The following PHKA1 variants were observed in gnomAD, a reference collection of about 807,000 sequenced individuals.
The protein encoded by PHKA1 is phosphorylase kinase regulatory subunit alpha 1.
A neutral mutation model predicts 110.2 loss-of-function variants in PHKA1; 60 were observed. That is an observed-to-expected ratio of 0.54 (90% CI 0.44 to 0.68). The LOEUF (loss-of-function observed/expected upper bound fraction) is 0.68, where lower values mean the gene tolerates loss of function less well. PHKA1 is among the 30% of genes least tolerant of loss of function. The pLI, the probability that PHKA1 is intolerant of heterozygous loss-of-function variation, is 0.00. For synonymous variants in PHKA1, 316 were observed against 333.6 expected (o/e 0.95, Z 0.58); for missense variants, 801 against 942.5 (o/e 0.85, Z 1.97).
At chrX:72,652,276 A>G (rs1265582602) in intron 12 of PHKA1, among the ~76,000 whole-genome samples, 2 of 111,460 alleles carry the variant, frequency 1.8e-5, no homozygotes, top group African/African-American at 6.5e-5. Flanking sequence ...AAGTTTTGAA[A>G]GGGATAGATC....
At chrX:72,590,683 A>G (rs2052506878) in intron 29 of PHKA1, among the ~76,000 whole-genome samples, 1 of 112,540 alleles carries the variant, frequency 8.9e-6, no homozygotes, top group African/African-American at 3.2e-5. Context: ...GCTAATATCC[A>G]GAATCTACAA....
At position 72,652,646 on chromosome X, in the gene PHKA1, A is replaced by G. The variant is rs1556299527; in HGVS notation, c.1143T>C (p.Asp381=). Residue 381 remains aspartate, a synonymous_variant, in exon 12 of 32, where the codon GAT becomes GAC. Coordinates refer to ENST00000373542, the MANE Select transcript of PHKA1 (RefSeq NM_002637.4). ...ELYSVPPDRV[D]EEYQNPHTVD... ...CAGTGTGAGGATTCTGATATTCTTCATCGACCTAAAAGAAAAGATGAAGAG... is the reference window on the plus strand; with the variant it reads ...CAGTGTGAGGATTCTGATATTCTTCGTCGACCTAAAAGAAAAGATGAAGAG... The G allele has an allele frequency of 8.9e-7, 1 of 1,128,719 alleles. No homozygotes were observed. The highest frequency in any genetic ancestry group is 3.0e-5 in the East Asian group (1 of 33,507). 93.0% of individuals were successfully genotyped at this position (1,128,719 alleles called of 1,213,427 possible).
intron 6 of PHKA1, among the ~76,000 whole-genome samples, chrX:72,668,242 G>A (rs1281019296): frequency 2.7e-5 from 3 of 111,560 alleles, no homozygotes; most frequent in African/African-American, 6.5e-5. Flanking sequence ...CATGGCATAC[G>A]GTAGGCTCTC....
chrX:72,615,752 G>GGGAAGGAAGGAA (rs563484322), intron 21 of PHKA1, among the ~76,000 whole-genome samples: 6 of 33,475 alleles, frequency 1.8e-4, no homozygotes, highest in African/African-American at 5.0e-4. Context: ...GAAGGAGGGG[G>GGGAAGGAAGGAA]GGAAGGAAGG....
chrX:72,615,747 A>AG (rs1330780014), intron 21 of PHKA1, among the ~76,000 whole-genome samples: 1 of 67,478 alleles, frequency 1.5e-5, no homozygotes, highest in Non-Finnish European at 2.7e-5. Flanking sequence ...GGAAAGAAGG[A>AG]GGGGGGGAAG....
Position 72,636,310 on chromosome X carries a change from G to A in PHKA1, c.1536C>T (p.Asp512=), listed in dbSNP as rs782285118. The A allele has an allele frequency of 3.3e-6, 4 of 1,200,472 alleles. No homozygotes were observed. Among genetic ancestry groups the A allele is most frequent in the Non-Finnish European group, 2.3e-6 (2 of 886,509 alleles). The change falls in exon 15 of 32, where the codon GAC becomes GAT. Residue 512 remains aspartate, a synonymous_variant. Transcript: ENST00000373542. ...TGAAAGTAAAGATAGTTTTCCGAAT[G>A]TCATAGAGTTTTGAAGTTCCAAGCA... ...MGVLGTSKLY[D]IRKTIFTFTP... is the part of the protein sequence containing the mutation.
chrX:72,680,263 C>T (rs1397924697), intron 5 of PHKA1, among the ~76,000 whole-genome samples: 1 of 111,957 alleles, frequency 8.9e-6, no homozygotes, highest in African/African-American at 3.3e-5. Flanking sequence ...ATCCACCCAC[C>T]TCGGCCTCCC....
chrX:72,606,142 A>G (rs1024381018), intron 23 of PHKA1, among the ~76,000 whole-genome samples: 2 of 111,430 alleles, frequency 1.8e-5, no homozygotes, highest in South Asian at 3.7e-4. Context: ...CCTCTCTTCT[A>G]GTTATTTTGA....
chrX:72,603,244 A>G, intron 25 of PHKA1, 24 bp from the exon 26 acceptor site: 1 of 1,008,903 alleles, frequency 9.9e-7, no homozygotes, highest in Non-Finnish European at 1.4e-6. Context: ...ATGTTAGAAC[A>G]GAAGGACTTC....
intron 19 of PHKA1, among the ~76,000 whole-genome samples, chrX:72,620,301 A>G (rs1402171007): frequency 1.8e-5 from 2 of 112,040 alleles, no homozygotes; most frequent in African/African-American, 6.5e-5. Flanking sequence ...GAAGGAGGGT[A>G]GTGGCCATGG....
chrX:72,622,586 A>G, intron 18 of PHKA1: 1 of 753,704 alleles, frequency 1.3e-6, no homozygotes, highest in South Asian at 6.7e-5. Context: ...GAAGCCAATT[A>G]GAGTTTGACT....
Position 72,714,162 on chromosome X carries a change from T to C in PHKA1, c.-282A>G. On this transcript the variant is annotated 5_prime_UTR_variant, in exon 1 of 32. Coordinates refer to ENST00000373542, the MANE Select transcript of PHKA1 (RefSeq NM_002637.4). ...CCAGGCGCCGCTCCTGCCCCCTTAGTCCAGTCCGGCCTCCGCGTGTGACTC... is the reference window on the plus strand; with the variant it reads ...CCAGGCGCCGCTCCTGCCCCCTTAGCCCAGTCCGGCCTCCGCGTGTGACTC... 1 of 355,664 alleles carries C rather than the reference T, an allele frequency of 2.8e-6. No homozygotes were observed. Among genetic ancestry groups the C allele is most frequent in the East Asian group, 5.0e-5 (1 of 19,945 alleles). The allele number at this position is 355,664 out of a possible 1,213,427, so 29.3% of individuals were successfully genotyped here. A position where few individuals can be genotyped will look rare whatever the true frequency, so the allele number is the denominator to read the frequency against.
chrX:72,650,006 A>G (rs1250477453), intron 13 of PHKA1, among the ~76,000 whole-genome samples: 2 of 109,651 alleles, frequency 1.8e-5, no homozygotes, highest in Non-Finnish European at 3.8e-5. Flanking sequence ...AAAAAAAAAA[A>G]TACTAAGCGC....
intron 13 of PHKA1, among the ~76,000 whole-genome samples, chrX:72,645,366 T>G (rs2147749329): frequency 8.9e-6 from 1 of 112,376 alleles, no homozygotes; most frequent in East Asian, 2.8e-4. Context: ...CATTATTTTC[T>G]ACATTGAGTT....
intron 5 of PHKA1, among the ~76,000 whole-genome samples, chrX:72,676,796 T>C (rs1406217482): frequency 3.6e-5 from 4 of 112,121 alleles, no homozygotes; most frequent in Non-Finnish European, 7.5e-5. Context: ...AACTTTTTAT[T>C]TTGGAATAAC....
chrX:72,713,678 A>ACACACACACACC, intron 1 of PHKA1, 125 bp downstream of exon 1: 1 of 547,824 alleles, frequency 1.8e-6, no homozygotes, highest in Non-Finnish European at 3.1e-6. Flanking sequence ...CGTCACACAC[A>ACACACACACACC]CACACACACA....
At chrX:72,713,654 T>C in intron 1 of PHKA1, 149 bp downstream of exon 1, 3 of 505,425 alleles carry the variant, frequency 5.9e-6, no homozygotes, top group Non-Finnish European at 1.0e-5. Context: ...CACGCGGAGT[T>C]CATGCAAGGT....
chrX:72,600,336 C>T (rs2052642874), intron 28 of PHKA1, among the ~76,000 whole-genome samples: 1 of 111,115 alleles, frequency 9.0e-6, no homozygotes, highest in South Asian at 3.8e-4. Flanking sequence ...TAGCTGGGAA[C>T]ATGTACTTCA....
chrX:72,677,321 G>A (rs1479124190), intron 5 of PHKA1, among the ~76,000 whole-genome samples: 1 of 112,020 alleles, frequency 8.9e-6, no homozygotes, highest in Non-Finnish European at 1.9e-5. Flanking sequence ...CTTGGTTAAC[G>A]TGATGTCTGC....
Sources: allele counts gnomAD v4.1 joint callset (sites outside exome capture counted in the v4.1 genomes callset), GRCh38; gene constraint gnomAD v4.1.1; transcripts MANE v1.5; gene names NCBI Gene and HGNC (gene_info 2026-07-23, HGNC 2026-07-21).